PPARG: variants seen among roughly 807,000 people sequenced by gnomAD.
PPARG encodes peroxisome proliferator-activated receptor gamma.
Under a neutral mutation model 39.2 loss-of-function variants are expected in PPARG, and 17 were observed. The ratio of observed to expected loss-of-function variants is 0.43; its 90% CI spans 0.30 to 0.65. The LOEUF (loss-of-function observed/expected upper bound fraction) is 0.65. Among genes scored for constraint, PPARG ranks in the 30% least tolerant of loss-of-function variants. PPARG has a pLI of 0.13. For missense variants in PPARG, 406 were observed against 585.9 expected, an observed-to-expected ratio of 0.69 and a Z score of 3.17; for synonymous variants, 223 against 215.7, an observed-to-expected ratio of 1.03 and a Z score of -0.30.
Position 12,379,590 on chromosome 3 carries a change from C to T in PPARG, c.-8-114C>T, listed in dbSNP as rs28763893. 128,660 of 909,472 alleles carry T rather than the reference C, an allele frequency of 0.14. 10,362 individuals carry two copies. Among genetic ancestry groups the T allele is most frequent in the Admixed American group, 0.27 (13,481 of 49,918 alleles). The allele number at this position is 909,472 out of a possible 1,614,324, so 56.3% of individuals were successfully genotyped here. A position where few individuals can be genotyped will look rare whatever the true frequency, so the allele number is the denominator to read the frequency against. ...TTATGTTCTTTTCTGTTGTTGTGAGCGCCCAGATGAGATTACTTTGCCAAA... is the reference window on the plus strand; with the variant it reads ...TTATGTTCTTTTCTGTTGTTGTGAGTGCCCAGATGAGATTACTTTGCCAAA... On this transcript the variant is annotated intron_variant, in intron 2 of 7. Transcript: ENST00000651735.
intron 5 of PPARG, among the ~76,000 whole-genome samples, chr3:12,400,713 A>T (rs2050442305): frequency 6.6e-6 from 1 of 152,220 alleles, no homozygotes; most frequent in Non-Finnish European, 1.5e-5. Context: ...AACTAGACAA[A>T]TACTGCTTTT....
intron 7 of PPARG, among the ~76,000 whole-genome samples, chr3:12,417,905 T>G (rs2051131899): frequency 8.0e-6 from 1 of 125,536 alleles, no homozygotes; most frequent in African/African-American, 3.3e-5. Flanking sequence ...TTTTTTCCTT[T>G]TTTTTTTTTT....
chr3:12,338,340 G>A (rs1317682572), intron 2 of PPARG, among the ~76,000 whole-genome samples: 1 of 152,114 alleles, frequency 6.6e-6, no homozygotes, highest in Non-Finnish European at 1.5e-5. Context: ...CACAAATTAT[G>A]TCTCCTCTTT....
rs543448944 is a variant in PPARG, at chr3:12,411,020, G to A, written c.729+4939G>A. Reference sequence around the variant, plus strand: ...ATAGTAGTGCCAATTCATTTCTGGGGCTGCTGGAGAAGTTAGGCTTCTGGG... The same window carrying A: ...ATAGTAGTGCCAATTCATTTCTGGGACTGCTGGAGAAGTTAGGCTTCTGGG... On this transcript the variant is annotated intron_variant, in intron 6 of 7. Coordinates refer to ENST00000651735, the MANE Select transcript of PPARG (RefSeq NM_138711.6). 7.9e-5 allele frequency among the ~76,000 whole-genome samples: 12 copies of A among 152,272 alleles called. No individual in the cohort carries two copies. In the East Asian group the frequency reaches 2.1e-3, roughly 27 times the overall value.
At chr3:12,340,955 C>T (rs375696258) in intron 2 of PPARG, among the ~76,000 whole-genome samples, 5 of 152,108 alleles carry the variant, frequency 3.3e-5, no homozygotes, top group African/African-American at 4.8e-5. Context: ...GAGGCCAAGG[C>T]GGGCGGATCA....
intron 2 of PPARG, among the ~76,000 whole-genome samples, chr3:12,352,833 T>C (rs1396828669): frequency 6.6e-6 from 1 of 152,238 alleles, no homozygotes; most frequent in Non-Finnish European, 1.5e-5. Context: ...GCCTCTTAAC[T>C]AGGAGTTTTG....
intron 2 of PPARG, 78 bp from the exon 3 acceptor site, chr3:12,379,621 TTTTCA>T: frequency 1.5e-6 from 2 of 1,336,504 alleles, no homozygotes; most frequent in Non-Finnish European, 2.1e-6. Context: ...CCAAAGACTC[TTTTCA>T]TTTCTCTTTC....
chr3:12,370,636 T>G (rs957004821), intron 2 of PPARG, among the ~76,000 whole-genome samples: 4 of 152,240 alleles, frequency 2.6e-5, no homozygotes. Flanking sequence ...TATTGCACAC[T>G]GTGCTTTTTT....
At chr3:12,417,888 C>CTTTTTTGTTTTTTTTTTTTTT (rs2051123184) in intron 7 of PPARG, among the ~76,000 whole-genome samples, 1 of 64,066 alleles carries the variant, frequency 1.6e-5, no homozygotes, top group Non-Finnish European at 2.9e-5. Context: ...TTTTTTTTTT[C>CTTTTTTGTTTTTTTTTTTTTT]TTTTTTTTTT....
At chr3:12,415,109 C>G (rs753090650) in intron 6 of PPARG, among the ~76,000 whole-genome samples, 23 of 152,174 alleles carry the variant, frequency 1.5e-4, no homozygotes, top group Non-Finnish European at 3.1e-4. Context: ...TCTCTCCTTT[C>G]AGGAGAGAAT....
At chr3:12,376,883 T>C (rs1283070650) in intron 2 of PPARG, among the ~76,000 whole-genome samples, 1 of 152,222 alleles carries the variant, frequency 6.6e-6, no homozygotes, top group Non-Finnish European at 1.5e-5. Flanking sequence ...GATACGCCTA[T>C]GATTTGATGA....
At chr3:12,384,095 C>T (rs1401149597) in intron 4 of PPARG, among the ~76,000 whole-genome samples, 3 of 149,768 alleles carry the variant, frequency 2.0e-5, no homozygotes, top group African/African-American at 7.4e-5. Flanking sequence ...GTTTTACTCC[C>T]TTGGAAAGGG....
In PPARG at chr3:12,406,089, C is replaced by A; in HGVS notation, c.729+8C>A. The A allele has an allele frequency of 6.2e-7, 1 of 1,613,710 alleles. No homozygotes were observed. Among genetic ancestry groups the A allele is most frequent in the Non-Finnish European group, 8.5e-7 (1 of 1,179,790 alleles). ...AAGACAACAGACAAATCAGTTAGTT[C>A]TCTTCTGCTGTCTTCATTGGGGGAG... On this transcript the variant is annotated splice_region_variant and intron_variant, in intron 6 of 7. Coordinates refer to ENST00000651735, the MANE Select transcript of PPARG (RefSeq NM_138711.6).
chr3:12,382,512 A>C (rs2049713565), intron 4 of PPARG, among the ~76,000 whole-genome samples: 1 of 152,208 alleles, frequency 6.6e-6, no homozygotes, highest in Non-Finnish European at 1.5e-5. Flanking sequence ...AAAGATACAG[A>C]ACAACAGTTA....
intron 5 of PPARG, among the ~76,000 whole-genome samples, chr3:12,397,797 T>C (rs1420838794): frequency 2.0e-5 from 3 of 152,084 alleles, no homozygotes; most frequent in African/African-American, 7.2e-5. Flanking sequence ...AACAAACTCC[T>C]AATGCATGTG....
chr3:12,338,783 TG>T (rs1345913428), intron 2 of PPARG, among the ~76,000 whole-genome samples: 1 of 152,240 alleles, frequency 6.6e-6, no homozygotes, highest in Non-Finnish European at 1.5e-5. Flanking sequence ...TTAACTCAGA[TG>T]AATCATTTAC....
rs2049613598 is a variant in PPARG at position 12,380,622 on chromosome 3, A to G, written c.220+691A>G. Among the ~76,000 whole-genome samples the G allele has an allele frequency of 2.0e-5, 3 of 152,202 alleles. No homozygotes were observed. The South Asian group carries it at 6.2e-4, about 31-fold the overall frequency. On this transcript the variant is annotated intron_variant, in intron 3 of 7. Transcript: ENST00000651735. ...GGCAATCATTACTTGACAAGTAAGA[A>G]CTTCCTGTATTTCTAGTGGCTTTTA...
intron 6 of PPARG, among the ~76,000 whole-genome samples, chr3:12,416,379 AAAAC>A (rs1575140619): frequency 1.3e-5 from 2 of 151,648 alleles, no homozygotes; most frequent in African/African-American, 2.4e-5. Context: ...CTCTGTCTCA[AAAAC>A]AAACAAACAA....
chr3:12,358,043 A>G (rs9851767), intron 2 of PPARG, among the ~76,000 whole-genome samples: 18,437 of 152,206 alleles, frequency 0.12, 3,705 homozygotes, highest in African/African-American at 0.42. Context: ...CAATGCTAAT[A>G]TAAACAAACC....
Sources: gnomAD v4.1 joint callset for allele counts (sites outside exome capture counted in the v4.1 genomes callset) on GRCh38, gnomAD v4.1.1 for gene constraint, MANE v1.5 for transcripts, NCBI Gene and HGNC (gene_info 2026-07-23, HGNC 2026-07-21) for gene names.